Variants in PDCD6 observed in about 807,000 individuals in gnomAD.
The protein encoded by PDCD6 is programmed cell death 6, also known as programmed cell death protein 6.
PDCD6 carries 12 observed loss-of-function variants against 28.3 expected under a neutral mutation model. The observed-to-expected ratio is 0.42, with a 90% CI of 0.27 to 0.69. PDCD6 has a LOEUF of 0.69. Ranked by LOEUF, PDCD6 falls within the 30% of genes least tolerant of loss-of-function variation. The probability of loss-of-function intolerance (pLI) is 0.22; values close to 1 mark genes in which losing one functional copy is unlikely to be tolerated. For missense variants in PDCD6, 226 were observed against 269.9 expected, an observed-to-expected ratio of 0.84 and a Z score of 1.14; for synonymous variants, 92 against 108.0, an observed-to-expected ratio of 0.85 and a Z score of 0.92.
intron 2 of PDCD6, among the ~76,000 whole-genome samples, chr5:286,033 G>T: frequency 6.6e-6 from 1 of 151,678 alleles, no homozygotes; most frequent in East Asian, 2.0e-4. Flanking sequence ...CCATGCAGCT[G>T]GAGACCCGGG....
intron 2 of PDCD6, among the ~76,000 whole-genome samples, chr5:303,332 G>A (rs1024428329): frequency 3.3e-5 from 5 of 151,628 alleles, no homozygotes; most frequent in African/African-American, 4.9e-5. Flanking sequence ...TAACACAGAC[G>A]GGGTATGAGG....
At chr5:286,681 A>G (rs1414250033) in intron 2 of PDCD6, among the ~76,000 whole-genome samples, 10 of 117,088 alleles carry the variant, frequency 8.5e-5, no homozygotes, top group African/African-American at 2.6e-4. Context: ...CCCGTTGGAG[A>G]GCCGTGCAGC....
At chr5:295,439 G>A (rs1291114543) in intron 2 of PDCD6, among the ~76,000 whole-genome samples, 3 of 151,158 alleles carry the variant, frequency 2.0e-5, no homozygotes, top group Non-Finnish European at 3.0e-5. Context: ...CCAGATAACC[G>A]GCAGAGTAAA....
At chr5:290,624 G>A (rs1739259265) in intron 2 of PDCD6, among the ~76,000 whole-genome samples, 1 of 152,204 alleles carries the variant, frequency 6.6e-6, no homozygotes, top group Non-Finnish European at 1.5e-5. Flanking sequence ...TACTATTAGT[G>A]GAGAAACTTA....
At position 290,315 on chromosome 5, in the gene PDCD6, C is replaced by T. The variant is rs569534430; in HGVS notation, c.164-13862C>T. 1.8e-5 allele frequency: 24 copies of T among 1,298,700 alleles called. No homozygotes were observed. In the East Asian group the frequency reaches 2.1e-4, roughly 11 times the overall value. The allele number at this position is 1,298,700 out of a possible 1,614,324, so 80.4% of individuals were successfully genotyped here. A position where few individuals can be genotyped will look rare whatever the true frequency, so the allele number is the denominator to read the frequency against. ...TTCAGCGCCTCCTGGAGACTCTCAA[C>T]GTCCATGGCTTCCTGGAGTCCCTCA... On this transcript the variant is annotated intron_variant, in intron 2 of 5. Coordinates refer to ENST00000264933, the MANE Select transcript of PDCD6 (RefSeq NM_013232.4).
At chr5:275,756 C>T (rs188197227) in intron 2 of PDCD6, among the ~76,000 whole-genome samples, 79 of 152,336 alleles carry the variant, frequency 5.2e-4, no homozygotes, top group Non-Finnish European at 6.2e-4. Flanking sequence ...GCTCCCTTTC[C>T]GGGTTACCTG....
intron 2 of PDCD6, among the ~76,000 whole-genome samples, chr5:275,644 GTC>G (rs1337427442): frequency 2.0e-5 from 3 of 152,314 alleles, no homozygotes; most frequent in East Asian, 1.9e-4. Context: ...TACCGTGAGT[GTC>G]TCTGTGTTTC....
intron 2 of PDCD6, among the ~76,000 whole-genome samples, chr5:284,701 C>G (rs1479201351): frequency 7.4e-5 from 9 of 121,194 alleles, no homozygotes; most frequent in African/African-American, 3.5e-4. Context: ...AGCTGGAGAC[C>G]CAGGAGGGAG....
At chr5:272,141 A>G (rs1340608059) in intron 1 of PDCD6, among the ~76,000 whole-genome samples, 1 of 150,952 alleles carries the variant, frequency 6.6e-6, no homozygotes, top group Non-Finnish European at 1.5e-5. Context: ...GCGCCACTGC[A>G]GACCCGAGGT....
intron 5 of PDCD6, among the ~76,000 whole-genome samples, chr5:312,568 C>T (rs1226282623): frequency 1.3e-5 from 2 of 152,114 alleles, no homozygotes; most frequent in Non-Finnish European, 2.9e-5. Flanking sequence ...CAAAACTCTA[C>T]GGTTGGGGAC....
chr5:295,840 AGC>A (rs1203391599), intron 2 of PDCD6, among the ~76,000 whole-genome samples: 1 of 148,864 alleles, frequency 6.7e-6, no homozygotes, highest in African/African-American at 2.4e-5. Flanking sequence ...ATGCATCAGA[AGC>A]TACAGGCCAG....
intron 2 of PDCD6, among the ~76,000 whole-genome samples, chr5:302,108 GCCT>G (rs1561046615): frequency 8.0e-4 from 87 of 108,644 alleles, no homozygotes; most frequent in Non-Finnish European, 9.8e-4. Flanking sequence ...GTGTGTGTGT[GCCT>G]TGGGTTCAGG....
At chr5:302,501 G>A (rs1740157570) in intron 2 of PDCD6, among the ~76,000 whole-genome samples, 1 of 132,344 alleles carries the variant, frequency 7.6e-6, no homozygotes, top group Non-Finnish European at 1.6e-5. Flanking sequence ...CTGTGTGTGT[G>A]TGTGTGTGTG....
Position 311,428 on chromosome 5 carries a change from TGTG to T in PDCD6, c.477+37_477+39del, listed in dbSNP as rs112251704. The T allele has an allele frequency of 2.9e-5, 45 of 1,525,434 alleles. No homozygotes were observed. In the Admixed American group the frequency reaches 4.5e-4, roughly 15 times the overall value. The allele number at this position is 1,525,434 out of a possible 1,614,324, so 94.5% of individuals were successfully genotyped here. The stretch of plus-strand genomic sequence containing the variant: ...GTGACGGAATGGCTTCACGTGGGTT[TGTG>T]GTGGTGGTGGGAGGGGCTTGCTTGC... On this transcript the variant is annotated intron_variant, in intron 5 of 5. Coordinates refer to ENST00000264933, the MANE Select transcript of PDCD6 (RefSeq NM_013232.4).
At chr5:287,194 C>A (rs1462577446) in intron 2 of PDCD6, among the ~76,000 whole-genome samples, 1 of 152,116 alleles carries the variant, frequency 6.6e-6, no homozygotes, top group Non-Finnish European at 1.5e-5. Flanking sequence ...GGTTTTGGAG[C>A]TGGAGACCTG....
Position 305,598 on chromosome 5 carries a change from G to A in PDCD6, c.209-1004G>A, listed in dbSNP as rs1417493550. On this transcript the variant is annotated intron_variant, in intron 3 of 5. Coordinates refer to ENST00000264933, the MANE Select transcript of PDCD6 (RefSeq NM_013232.4). The surrounding 1 kb of genome is among the most constrained non-coding windows in gnomAD (Gnocchi z 4.0). Reference sequence around the variant, plus strand: ...CTCCTCTGCGGAGCCCTTACCCTGGGGTGCAGCTCACCCAGCATCCTTCCC... The same window carrying A: ...CTCCTCTGCGGAGCCCTTACCCTGGAGTGCAGCTCACCCAGCATCCTTCCC... 6.6e-6 allele frequency: 1 copy of A among 152,224 alleles called. No homozygotes were observed. Among genetic ancestry groups the A allele is most frequent in the Non-Finnish European group, 1.5e-5 (1 of 68,030 alleles). 9.4% of individuals were successfully genotyped at this position (152,224 alleles called of 1,614,324 possible). A position where few individuals can be genotyped will look rare whatever the true frequency, so the allele number is the denominator to read the frequency against.
intron 2 of PDCD6, among the ~76,000 whole-genome samples, chr5:273,674 G>A (rs1270583623): frequency 6.8e-6 from 1 of 147,334 alleles, no homozygotes; most frequent in East Asian, 1.9e-4. Flanking sequence ...GCTAGACACT[G>A]CCTCACTGCG....
intron 2 of PDCD6, chr5:276,103 C>G (rs754205606): frequency 1.9e-5 from 19 of 1,022,758 alleles, no homozygotes; most frequent in Non-Finnish European, 2.1e-5. Context: ...GTGGTGCACG[C>G]CTGTATTCCC....
At chr5:272,057 C>T (rs1318228710) in intron 1 of PDCD6, among the ~76,000 whole-genome samples, 1 of 151,764 alleles carries the variant, frequency 6.6e-6, no homozygotes, top group Non-Finnish European at 1.5e-5. Flanking sequence ...GTCCGCTGCC[C>T]GGTCTCCTGG....
Sources: allele counts gnomAD v4.1 joint callset (sites outside exome capture counted in the v4.1 genomes callset), GRCh38; gene constraint gnomAD v4.1.1; non-coding constraint Gnocchi (gnomAD v3.1); transcripts MANE v1.5; gene names NCBI Gene and HGNC (gene_info 2026-07-23, HGNC 2026-07-21).